The following RGS9 variants were observed in gnomAD, a reference collection of about 807,000 sequenced individuals.
RGS9 encodes regulator of G-protein signalling 9.
RGS9 carries 78 observed loss-of-function variants against 102.0 expected under a neutral mutation model. That is an observed-to-expected ratio of 0.76 (90% CI 0.64 to 0.92). The LOEUF (loss-of-function observed/expected upper bound fraction) is 0.92. Among genes scored for constraint, RGS9 ranks in the 40% least tolerant of loss-of-function variants. The pLI is 0.00. For synonymous variants in RGS9, 353 were observed against 318.6 expected (o/e 1.11, Z -1.15); for missense variants, 833 against 866.1 (o/e 0.96, Z 0.48).
chr17:65,215,548 TTTTTTG>T (rs1214079694), intron 17 of RGS9, among the ~76,000 whole-genome samples: 2,138 of 77,648 alleles, frequency 0.028, 118 homozygotes, highest in African/African-American at 0.097. Context: ...TTCTTTCTTT[TTTTTTG>T]TTTTGAGACA....
intron 8 of RGS9, among the ~76,000 whole-genome samples, chr17:65,174,922 C>A (rs1041748784): frequency 6.6e-6 from 1 of 152,096 alleles, no homozygotes; most frequent in African/African-American, 2.4e-5. Context: ...CTTATAAAAC[C>A]ATCAGATCTC....
At chr17:65,214,689 C>T (rs1359094914) in intron 17 of RGS9, among the ~76,000 whole-genome samples, 2 of 152,234 alleles carry the variant, frequency 1.3e-5, no homozygotes, top group Non-Finnish European at 2.9e-5. Flanking sequence ...GTCCTTATAA[C>T]ACCTGGCTGG....
chr17:65,194,585 T>C (rs892033803), intron 12 of RGS9, among the ~76,000 whole-genome samples: 2 of 152,176 alleles, frequency 1.3e-5, no homozygotes, highest in East Asian at 1.9e-4. Flanking sequence ...TTTGGCTTTT[T>C]TTTGTCAGTT....
chr17:65,208,513 C>T (rs986295467), intron 16 of RGS9, among the ~76,000 whole-genome samples: 1 of 152,130 alleles, frequency 6.6e-6, no homozygotes, highest in African/African-American at 2.4e-5. Flanking sequence ...CTTGTTCATT[C>T]TCACTTTTCT....
chr17:65,226,858 G>A (rs1187084266), intron 18 of RGS9, among the ~76,000 whole-genome samples: 45 of 151,882 alleles, frequency 3.0e-4, no homozygotes, highest in Admixed American at 2.8e-3. Context: ...CAGGCGATCC[G>A]CCTGTCTCAG....
intron 1 of RGS9, among the ~76,000 whole-genome samples, chr17:65,148,699 T>C (rs2143964209): frequency 6.6e-6 from 1 of 152,194 alleles, no homozygotes; most frequent in East Asian, 1.9e-4. Context: ...CAGTCTGCAG[T>C]TGCTATTTTT....
At chr17:65,169,251 G>A (rs1384349513) in intron 8 of RGS9, among the ~76,000 whole-genome samples, 1 of 152,142 alleles carries the variant, frequency 6.6e-6, no homozygotes, top group Non-Finnish European at 1.5e-5. Context: ...ACTCTGTAGC[G>A]GCATGGGTTT....
intron 8 of RGS9, among the ~76,000 whole-genome samples, chr17:65,170,431 T>C (rs1051750187): frequency 3.3e-5 from 5 of 152,154 alleles, no homozygotes; most frequent in Admixed American, 3.3e-4. Context: ...GATAAGCAAG[T>C]GAAAGCTCAA....
chr17:65,192,674 A>G (rs1912417999), intron 11 of RGS9, among the ~76,000 whole-genome samples: 2 of 152,108 alleles, frequency 1.3e-5, no homozygotes, highest in African/African-American at 4.8e-5. Context: ...CTGAAGGATG[A>G]CTGTAGTTAA....
intron 11 of RGS9, 152 bp downstream of exon 11, chr17:65,190,388 G>A (rs1912322493): frequency 2.6e-6 from 2 of 771,682 alleles, no homozygotes; most frequent in Non-Finnish European, 4.7e-6. Context: ...TTAGTTCCTA[G>A]TTCATCCCTC....
chr17:65,155,769 G>A (rs1331295011), intron 2 of RGS9, among the ~76,000 whole-genome samples: 1 of 152,210 alleles, frequency 6.6e-6, no homozygotes, highest in Non-Finnish European at 1.5e-5. Context: ...CAGGAAGGAA[G>A]TGAGAGAGTT....
intron 17 of RGS9, among the ~76,000 whole-genome samples, chr17:65,217,135 G>A (rs1004533): frequency 0.048 from 7,371 of 152,256 alleles, 721 homozygotes; most frequent in East Asian, 0.29. Context: ...GGCCAGCAGC[G>A]TTGAGCAGAG....
intron 1 of RGS9, among the ~76,000 whole-genome samples, chr17:65,152,468 C>T (rs544562526): frequency 6.6e-6 from 1 of 152,270 alleles, no homozygotes; most frequent in Non-Finnish European, 1.5e-5. Flanking sequence ...AATGGAAAGC[C>T]CATCTGGCTG....
At position 65,225,224 on chromosome 17, in the gene RGS9, G is replaced by A. The variant is rs115768099; in HGVS notation, c.1630G>A (p.Gly544Arg). The A allele has an allele frequency of 7.9e-4, 1,281 of 1,612,068 alleles. 4 individuals are homozygous for A. In the African/African-American group the frequency reaches 0.013, roughly 17 times the overall value. ...SGLEQKGECS[G>R]SMAPRGPSVT... ...CTTGGAGCAGAAAGGGGAGTGCAGC[G>A]GGTCCATGGCCCCCCGTGGGCCCTC... The change falls in exon 18 of 19, where the codon GGG (glycine) becomes AGG (arginine). Residue 544 changes from glycine to arginine, a missense_variant. Transcript: ENST00000262406.
At chr17:65,169,328 G>A (rs1227184522) in intron 8 of RGS9, among the ~76,000 whole-genome samples, 10 of 152,172 alleles carry the variant, frequency 6.6e-5, no homozygotes, top group Admixed American at 6.5e-4. Context: ...TTTTTTCTTT[G>A]CTTCAGGGTT....
At chr17:65,139,317 GT>G (rs987572591) in intron 1 of RGS9, among the ~76,000 whole-genome samples, 28 of 145,792 alleles carry the variant, frequency 1.9e-4, no homozygotes, top group African/African-American at 7.1e-4. Flanking sequence ...TACACACACT[GT>G]TTTTTTCCCC....
chr17:65,190,053 G>T (rs1912305711), intron 10 of RGS9, 122 bp from the exon 11 acceptor site: 3 of 815,192 alleles, frequency 3.7e-6, no homozygotes, highest in African/African-American at 1.7e-5. Flanking sequence ...TGAGGGGGCT[G>T]GCTCTGGGCA....
At chr17:65,203,904 C>G (rs1912947166) in intron 14 of RGS9, among the ~76,000 whole-genome samples, 1 of 152,146 alleles carries the variant, frequency 6.6e-6, no homozygotes, top group African/African-American at 2.4e-5. Flanking sequence ...GGGCCCCAGC[C>G]CCTTCTTGCT....
chr17:65,204,486 G>A (rs1295600041), intron 15 of RGS9, among the ~76,000 whole-genome samples, 185 bp downstream of exon 15: 2 of 152,180 alleles, frequency 1.3e-5, no homozygotes, highest in African/African-American at 4.8e-5. Flanking sequence ...TGAGATGGGA[G>A]GATATCTTGA....
Sources: allele counts gnomAD v4.1 joint callset (sites outside exome capture counted in the v4.1 genomes callset), GRCh38; gene constraint gnomAD v4.1.1; transcripts MANE v1.5; gene names NCBI Gene and HGNC (gene_info 2026-07-23, HGNC 2026-07-21).